Variants in FGD3 observed in about 807,000 individuals in gnomAD.
The protein encoded by FGD3 is FYVE, RhoGEF and PH domain-containing protein 3.
FGD3 carries 45 observed loss-of-function variants against 71.8 expected under a neutral mutation model. The ratio of observed to expected loss-of-function variants is 0.63; its 90% CI spans 0.49 to 0.80. FGD3 has a LOEUF of 0.80. FGD3 is among the 30% of genes least tolerant of loss of function. The pLI is 0.00. For missense variants in FGD3, 844 were observed against 951.5 expected (o/e 0.89, Z 1.49); for synonymous variants, 378 against 392.8 (o/e 0.96, Z 0.44).
chr9:93,016,404 C>T (rs1861693822), intron 10 of FGD3, among the ~76,000 whole-genome samples: 3 of 135,240 alleles, frequency 2.2e-5, no homozygotes, highest in African/African-American at 8.6e-5. Flanking sequence ...ATGGCATGAT[C>T]GTGGCTCACT....
At chr9:92,999,323 A>G (rs1587841878) in intron 3 of FGD3, among the ~76,000 whole-genome samples, 1 of 152,138 alleles carries the variant, frequency 6.6e-6, no homozygotes, top group South Asian at 2.1e-4. Context: ...CCATTGGAAA[A>G]GCACAGTATT....
intron 3 of FGD3, among the ~76,000 whole-genome samples, chr9:92,995,023 A>G (rs1464839144): frequency 6.6e-6 from 1 of 152,204 alleles, no homozygotes; most frequent in Non-Finnish European, 1.5e-5. Flanking sequence ...AGTCATTGGT[A>G]GCTTGATGGG....
chr9:92,997,592 G>A (rs1323021525), intron 3 of FGD3, among the ~76,000 whole-genome samples: 7 of 152,122 alleles, frequency 4.6e-5, no homozygotes, highest in African/African-American at 7.2e-5. Context: ...AATTTGGCAC[G>A]TTTTTGCAGT....
At chr9:93,021,069 C>A (rs1465172246) in intron 13 of FGD3, among the ~76,000 whole-genome samples, 1 of 152,232 alleles carries the variant, frequency 6.6e-6, no homozygotes, top group Non-Finnish European at 1.5e-5. Context: ...CGTCCCCAGG[C>A]CATGGGTGGT....
intron 1 of FGD3, among the ~76,000 whole-genome samples, chr9:92,954,951 A>G (rs1277383522): frequency 6.6e-6 from 1 of 152,060 alleles, no homozygotes; most frequent in Non-Finnish European, 1.5e-5. Flanking sequence ...CATTCATGGA[A>G]CTCACGGTCT....
chr9:92,965,003 C>T (rs1334298847), intron 1 of FGD3, among the ~76,000 whole-genome samples: 1 of 152,214 alleles, frequency 6.6e-6, no homozygotes, highest in South Asian at 2.1e-4. Context: ...GTGCTGCGCC[C>T]ACCAAAGCCT....
In FGD3 at chr9:93,006,051, C is replaced by T. The variant is rs1181304088; in HGVS notation, c.708C>T (p.Ile236=). The change falls in exon 6 of 18, where the codon ATC becomes ATT. Residue 236 remains isoleucine, a synonymous_variant. Coordinates refer to ENST00000375482, the MANE Select transcript of FGD3 (RefSeq NM_001083536.2). ...ACACAAACCCACGGCTCGGGGACATCCTGCAGAAGCTGGCCCCATTCCTGA... is the reference window on the plus strand; with the variant it reads ...ACACAAACCCACGGCTCGGGGACATTCTGCAGAAGCTGGCCCCATTCCTGA... ...EWDTNPRLGD[I]LQKLAPFLKM... is the part of the protein sequence containing the mutation. The T allele has an allele frequency of 1.2e-6, 2 of 1,610,578 alleles. No homozygotes were observed. The highest frequency in any genetic ancestry group is 2.7e-5 in the African/African-American group (2 of 74,830).
Position 93,004,082 on chromosome 9 carries a change from C to G in FGD3, c.625C>G (p.Arg209Gly). ...ATTCTCTAACATCTCCTCCATCCAC[C>G]GCTTCCACGGGCAGTTCCTGCTGCC... The part of the protein sequence containing the change: ...GIFSNISSIH[R>G]FHGQFLLPEL... Residue 209 changes from arginine (R) to glycine (G), a missense_variant, in exon 5 of 18, where the codon CGC becomes GGC. Arg to Gly is a moderately radical substitution (Grantham distance 125). Coordinates refer to ENST00000375482, the MANE Select transcript of FGD3 (RefSeq NM_001083536.2). 1 of 1,614,182 alleles carries G rather than the reference C, an allele frequency of 6.2e-7. No homozygotes were observed. The highest frequency in any genetic ancestry group is 8.5e-7 in the Non-Finnish European group (1 of 1,180,040).
At chr9:93,004,763 A>G (rs1211975699) in intron 5 of FGD3, among the ~76,000 whole-genome samples, 1 of 152,092 alleles carries the variant, frequency 6.6e-6, no homozygotes, top group African/African-American at 2.4e-5. Context: ...TTCCCTCTGC[A>G]TCAGGAGCCT....
chr9:93,010,150 C>T (rs537346110), intron 6 of FGD3, 96 bp from the exon 7 acceptor site: 50 of 1,463,818 alleles, frequency 3.4e-5, no homozygotes, highest in Admixed American at 8.5e-5. Flanking sequence ...CAGCCAGTTC[C>T]GGGCAGCTTC....
At chr9:92,994,135 C>T (rs1432116602) in intron 3 of FGD3, among the ~76,000 whole-genome samples, 1 of 152,084 alleles carries the variant, frequency 6.6e-6, no homozygotes, top group Non-Finnish European at 1.5e-5. Context: ...CTGTTCTTTC[C>T]TGACTTTTTA....
At chr9:93,015,937 A>C (rs1587859093) in intron 10 of FGD3, 108 bp downstream of exon 10, 1 of 937,602 alleles carries the variant, frequency 1.1e-6, no homozygotes, top group East Asian at 2.5e-5. Context: ...GCAGCCTGGC[A>C]CCCCTACCTG....
chr9:93,010,446 G>T, intron 7 of FGD3, 62 bp downstream of exon 7: 1 of 1,503,272 alleles, frequency 6.7e-7, no homozygotes, highest in Non-Finnish European at 8.9e-7. Context: ...CTCTGGGGGT[G>T]GGGAGAGAGG....
chr9:93,029,635 G>A (rs757731362), intron 14 of FGD3, among the ~76,000 whole-genome samples: 36 of 152,248 alleles, frequency 2.4e-4, no homozygotes, highest in Non-Finnish European at 3.8e-4. Flanking sequence ...CAAACATGAA[G>A]ATCTTGATCC....
At chr9:93,028,226 A>G (rs1387951019) in intron 14 of FGD3, among the ~76,000 whole-genome samples, 5 of 138,706 alleles carry the variant, frequency 3.6e-5, no homozygotes, top group East Asian at 4.0e-4. Context: ...ACGCACACAC[A>G]CACACACACA....
intron 1 of FGD3, among the ~76,000 whole-genome samples, chr9:92,968,616 T>TTC (rs1859424306): frequency 6.7e-6 from 1 of 150,118 alleles, no homozygotes; most frequent in Admixed American, 6.6e-5. Flanking sequence ...TCTTTTTTTT[T>TTC]TTTTTGACAC....
chr9:93,009,562 C>T (rs1326994528), intron 6 of FGD3, among the ~76,000 whole-genome samples: 1 of 152,116 alleles, frequency 6.6e-6, no homozygotes, highest in Non-Finnish European at 1.5e-5. Context: ...GCAAAGTGGC[C>T]TGGGCAGGAG....
Position 93,029,894 on chromosome 9 carries a change from C to T in FGD3, c.1578C>T (p.Ser526=), listed in dbSNP as rs1862289585. The T allele has an allele frequency of 1.1e-5, 17 of 1,613,360 alleles. No homozygotes were observed. The highest frequency in any genetic ancestry group is 1.4e-5 in the Non-Finnish European group (16 of 1,179,558). Residue 526 remains serine (S), a synonymous_variant, in exon 15 of 18, where the codon TCC becomes TCT. Transcript: ENST00000375482. The part of the protein sequence containing the change: ...GAAGLEPRKL[S]SKTRRDKEKQ... Reference sequence around the variant, plus strand: ...TATAGCTCGAGCCCAGAAAACTATCCTCTAAGACCAGACGTGACAAGGAGA... The same window carrying T: ...TATAGCTCGAGCCCAGAAAACTATCTTCTAAGACCAGACGTGACAAGGAGA...
At chr9:93,000,943 C>T (rs1226519760) in intron 3 of FGD3, among the ~76,000 whole-genome samples, 1 of 152,072 alleles carries the variant, frequency 6.6e-6, no homozygotes, top group East Asian at 1.9e-4. Context: ...TTGATAGTGG[C>T]CCATACATCC....
Sources: allele counts gnomAD v4.1 joint callset (sites outside exome capture counted in the v4.1 genomes callset), GRCh38; gene constraint gnomAD v4.1.1; transcripts MANE v1.5; gene names NCBI Gene and HGNC (gene_info 2026-07-23, HGNC 2026-07-21).